The following OPRD1 variants were observed in gnomAD, a reference collection of about 807,000 sequenced individuals.
OPRD1 encodes the protein delta-type opioid receptor.
A neutral mutation model predicts 17.5 loss-of-function variants in OPRD1; 19 were observed. The observed-to-expected ratio is 1.09, with a 90% confidence interval of 0.76 to 1.60. The LOEUF is 1.60. Ranked by LOEUF, OPRD1 falls within the 40% of genes most tolerant of loss-of-function variation. The pLI is 0.00. For missense variants in OPRD1, 483 were observed against 547.2 expected, an observed-to-expected ratio of 0.88 and a Z score of 1.17; for synonymous variants, 256 against 240.9, an observed-to-expected ratio of 1.06 and a Z score of -0.58.
intron 1 of OPRD1, among the ~76,000 whole-genome samples, chr1:28,852,044 G>A (rs1456479209): frequency 6.6e-6 from 1 of 151,128 alleles, no homozygotes; most frequent in Non-Finnish European, 1.5e-5. Context: ...GCGGGTGCCT[G>A]TAGTCCCAGC....
intron 1 of OPRD1, among the ~76,000 whole-genome samples, chr1:28,847,024 C>T (rs964905927): frequency 6.7e-6 from 1 of 148,744 alleles, no homozygotes; most frequent in Non-Finnish European, 1.5e-5. Flanking sequence ...TTCCTGTCCC[C>T]TTTCCTGTCC....
At chr1:28,816,955 G>T (rs1162362606) in intron 1 of OPRD1, among the ~76,000 whole-genome samples, 2 of 152,142 alleles carry the variant, frequency 1.3e-5, no homozygotes, top group Non-Finnish European at 2.9e-5. Context: ...GGCAAGAGGA[G>T]TCAGTGCTTT....
At chr1:28,819,092 A>G (rs569120553) in intron 1 of OPRD1, among the ~76,000 whole-genome samples, 1 of 152,104 alleles carries the variant, frequency 6.6e-6, no homozygotes, top group East Asian at 1.9e-4. Flanking sequence ...GCTCAGGGCA[A>G]TGAAAAGAGA....
At chr1:28,848,855 C>A (rs1569639668) in intron 1 of OPRD1, among the ~76,000 whole-genome samples, 1 of 152,018 alleles carries the variant, frequency 6.6e-6, no homozygotes, top group Admixed American at 6.6e-5. Flanking sequence ...ATTTGGACCA[C>A]GAGAAACAAC....
chr1:28,816,570 G>A (rs945955131), intron 1 of OPRD1, among the ~76,000 whole-genome samples: 6 of 152,154 alleles, frequency 3.9e-5, no homozygotes, highest in African/African-American at 1.2e-4. Context: ...GGCCTGAGAG[G>A]GGCCTCTGGG....
rs191652422 is a variant in OPRD1, at chr1:28,853,000, G to A, written c.228-5954G>A. On this transcript the variant is annotated intron_variant, in intron 1 of 2. Coordinates refer to ENST00000234961, the MANE Select transcript of OPRD1 (RefSeq NM_000911.4). Reference sequence around the variant, plus strand: ...CTCCCAAAGTGCTGGGATTACAGACGTGAGCCACCGCGCCCAGCCAAGACC... The same window carrying A: ...CTCCCAAAGTGCTGGGATTACAGACATGAGCCACCGCGCCCAGCCAAGACC... Among the ~76,000 whole-genome samples, 75 of 152,204 alleles carry A rather than the reference G, an allele frequency of 4.9e-4. No homozygotes were observed. The East Asian group carries it at 0.013, about 27-fold the overall frequency.
At chr1:28,857,997 T>G (rs979879186) in intron 1 of OPRD1, among the ~76,000 whole-genome samples, 1 of 151,714 alleles carries the variant, frequency 6.6e-6, no homozygotes, top group Non-Finnish European at 1.5e-5. Context: ...TTCACCATGT[T>G]GGTTGGTCAG....
In OPRD1 at chr1:28,858,937, A is replaced by G; in HGVS notation, c.228-17A>G. Reference sequence around the variant, plus strand: ...ATCTGTGAAATGGGATTAATTACACATGCATTTCTTTCTAAGGTACACTAA... The same window carrying G: ...ATCTGTGAAATGGGATTAATTACACGTGCATTTCTTTCTAAGGTACACTAA... On this transcript the variant is annotated splice_polypyrimidine_tract_variant and intron_variant, in intron 1 of 2. Coordinates refer to ENST00000234961, the MANE Select transcript of OPRD1 (RefSeq NM_000911.4). The G allele has an allele frequency of 6.3e-7, 1 of 1,593,552 alleles. No individual in the cohort carries two copies. The highest frequency in any genetic ancestry group is 8.6e-7 in the Non-Finnish European group (1 of 1,169,440).
intron 1 of OPRD1, among the ~76,000 whole-genome samples, chr1:28,857,069 C>T (rs536472290): frequency 6.6e-6 from 1 of 152,154 alleles, no homozygotes; most frequent in East Asian, 1.9e-4. Context: ...TCAGAGTTGA[C>T]CAATCATACT....
Position 28,812,455 on chromosome 1 carries a change from T to C in OPRD1, c.72T>C (p.Pro24=), listed in dbSNP as rs769092893. The C allele has an allele frequency of 6.1e-5, 93 of 1,517,606 alleles. No individual in the cohort carries two copies. The highest frequency in any genetic ancestry group is 7.7e-5 in the Non-Finnish European group (88 of 1,139,786). 94.0% of individuals were successfully genotyped at this position (1,517,606 alleles called of 1,614,324 possible). A position where few individuals can be genotyped will look rare whatever the true frequency, so the allele number is the denominator to read the frequency against. ...TCGCCAACGCCTCGGACGCCTACCC[T>C]AGCGCCTGCCCCAGCGCTGGCGCCA... is the stretch of plus-strand genomic sequence containing the variant. ...PLFANASDAY[P]SACPSAGANA... The change falls in exon 1 of 3, where the codon CCT becomes CCC. Residue 24 remains proline (P), a synonymous_variant. Coordinates refer to ENST00000234961, the MANE Select transcript of OPRD1 (RefSeq NM_000911.4).
intron 1 of OPRD1, among the ~76,000 whole-genome samples, chr1:28,845,606 AAAAG>A (rs1397843754): frequency 6.6e-6 from 1 of 152,140 alleles, no homozygotes; most frequent in Admixed American, 6.6e-5. Flanking sequence ...AAAGAGGAAA[AAAAG>A]AAAGAAAAAC....
rs908986642 is a variant in OPRD1, at chr1:28,866,410, T to C, written c.*3127T>C. 2 of 152,188 alleles carry C rather than the reference T, an allele frequency of 1.3e-5. No individual in the cohort carries two copies. Among genetic ancestry groups the C allele is most frequent in the African/African-American group, 4.8e-5 (2 of 41,434 alleles). The allele number at this position is 152,188 out of a possible 1,614,324, so 9.4% of individuals were successfully genotyped here. A position where few individuals can be genotyped will look rare whatever the true frequency, so the allele number is the denominator to read the frequency against. ...TTAAATGCTTGGCAAACCCAACAAG[T>C]TGGGTGCAGCTGGAGCATGGGGCTT... On this transcript the variant is annotated 3_prime_UTR_variant, in exon 3 of 3. Transcript: ENST00000234961.
rs534760381 is a variant in OPRD1 at position 28,815,860 on chromosome 1, G to T, written c.227+3250G>T. ...TGCAAGGGAAGATTCAGAGACCCTT[G>T]GGGAAGGAAAGCCGGGTGGTGTAGT... is the stretch of plus-strand genomic sequence containing the variant. On this transcript the variant is annotated intron_variant, in intron 1 of 2. Transcript: ENST00000234961. Among the ~76,000 whole-genome samples the T allele has an allele frequency of 3.1e-4, 47 of 152,316 alleles. 1 individual carries two copies. Among genetic ancestry groups the T allele is most frequent in the Middle Eastern group, 3.4e-3 (1 of 294 alleles).
intron 1 of OPRD1, among the ~76,000 whole-genome samples, chr1:28,834,373 CTTTT>C (rs1557572323): frequency 9.1e-6 from 1 of 109,380 alleles, no homozygotes; most frequent in Non-Finnish European, 1.7e-5. Flanking sequence ...GTATTTCTTT[CTTTT>C]TTTCTTTTTT....
rs1426707947 is a variant in OPRD1 at position 28,867,276 on chromosome 1, C to G, written c.*3993C>G. The G allele has an allele frequency of 6.6e-6, 1 of 151,958 alleles. No homozygotes were observed. Among genetic ancestry groups the G allele is most frequent in the Admixed American group, 6.6e-5 (1 of 15,248 alleles). 9.4% of individuals were successfully genotyped at this position (151,958 alleles called of 1,614,324 possible). A position where few individuals can be genotyped will look rare whatever the true frequency, so the allele number is the denominator to read the frequency against. ...CTGGAGTGCAGTGGCACCATCTCGG[C>G]TCATTGCAACCTCCGCCTCCTGGGT... On this transcript the variant is annotated 3_prime_UTR_variant, in exon 3 of 3. Coordinates refer to ENST00000234961, the MANE Select transcript of OPRD1 (RefSeq NM_000911.4).
At chr1:28,857,811 G>T (rs2089070776) in intron 1 of OPRD1, among the ~76,000 whole-genome samples, 1 of 150,956 alleles carries the variant, frequency 6.6e-6, no homozygotes, top group Non-Finnish European at 1.5e-5. Flanking sequence ...TTTTGTTTTT[G>T]AGACGGAGTC....
chr1:28,828,931 A>C (rs1045909095), intron 1 of OPRD1, among the ~76,000 whole-genome samples: 5 of 151,430 alleles, frequency 3.3e-5, no homozygotes, highest in African/African-American at 1.2e-4. Context: ...TGGAGGTTGC[A>C]GTGAGCCGAG....
intron 1 of OPRD1, among the ~76,000 whole-genome samples, chr1:28,830,984 C>G (rs936649472): frequency 6.6e-6 from 1 of 152,270 alleles, no homozygotes; most frequent in South Asian, 2.1e-4. Flanking sequence ...AGCGGAGATG[C>G]TGCTTCTCCT....
intron 1 of OPRD1, among the ~76,000 whole-genome samples, chr1:28,818,897 G>C (rs1056341218): frequency 3.3e-5 from 5 of 152,080 alleles, no homozygotes; most frequent in African/African-American, 1.2e-4. Context: ...AGGCTGGACA[G>C]GTCCTCAGGG....
Sources: allele counts gnomAD v4.1 joint callset (sites outside exome capture counted in the v4.1 genomes callset), GRCh38; gene constraint gnomAD v4.1.1; transcripts MANE v1.5; gene names NCBI Gene and HGNC (gene_info 2026-07-23, HGNC 2026-07-21).